NR2F1-AS1: variants seen among roughly 807,000 people sequenced by gnomAD.
NR2F1-AS1 encodes the protein NR2F1 regulatory antisense RNA 1, also known as NR2F1 antisense RNA 1.
chr5:93,490,570 A>AGTGGTG (rs1304765806), intron 4 of NR2F1-AS1, among the ~76,000 whole-genome samples: 1 of 101,232 alleles, frequency 9.9e-6, no homozygotes, highest in East Asian at 3.1e-4. Context: ...TGGTGATGGG[A>AGTGGTG]GTGGTGGTGG....
intron 4 of NR2F1-AS1, among the ~76,000 whole-genome samples, chr5:93,524,048 CA>C (rs751767836): frequency 6.6e-6 from 1 of 151,948 alleles, no homozygotes; most frequent in East Asian, 1.9e-4. Flanking sequence ...TGGGTAATAA[CA>C]AACTCCCCCG....
intron 4 of NR2F1-AS1, among the ~76,000 whole-genome samples, chr5:93,438,340 T>C (rs1432743936): frequency 6.6e-6 from 1 of 152,196 alleles, no homozygotes; most frequent in Non-Finnish European, 1.5e-5. Flanking sequence ...TCCCTTTTAC[T>C]TTCTCAATCT....
upstream of NR2F1-AS1, chr5:93,584,069 C>G (rs1422218427): frequency 2.6e-5 from 4 of 151,802 alleles, no homozygotes; most frequent in Non-Finnish European, 5.9e-5. Flanking sequence ...CACCCGCGCG[C>G]CCTGATCGCC....
At chr5:93,470,293 G>A (rs1580254297) in intron 4 of NR2F1-AS1, among the ~76,000 whole-genome samples, 2 of 151,984 alleles carry the variant, frequency 1.3e-5, no homozygotes, top group Middle Eastern at 6.8e-3. Flanking sequence ...TATGTCTTTT[G>A]TGTTAGTTTG....
At chr5:93,584,505 A>C (rs1210044011), upstream of NR2F1-AS1, 1 of 146,978 alleles carries the variant, frequency 6.8e-6, no homozygotes, top group Non-Finnish European at 1.5e-5. Flanking sequence ...GCCGTGGCCC[A>C]TGCCCGCCGC....
At chr5:93,413,244 A>G (rs1748900256) in intron 4 of NR2F1-AS1, among the ~76,000 whole-genome samples, 1 of 150,998 alleles carries the variant, frequency 6.6e-6, no homozygotes, top group Non-Finnish European at 1.5e-5. Context: ...ATATATATAT[A>G]TGCTGATCTC....
intron 4 of NR2F1-AS1, among the ~76,000 whole-genome samples, chr5:93,516,173 C>T (rs1457954467): frequency 4.6e-5 from 7 of 151,796 alleles, no homozygotes; most frequent in Non-Finnish European, 8.9e-5. Flanking sequence ...ATATATACTC[C>T]ACACAAACAC....
At chr5:93,570,093 T>C (rs1248460767) in intron 1 of NR2F1-AS1, 1 of 152,196 alleles carries the variant, frequency 6.6e-6, no homozygotes, top group Non-Finnish European at 1.5e-5. Flanking sequence ...AGAAAAACTC[T>C]TAAGATAACA....
intron 4 of NR2F1-AS1, chr5:93,542,175 C>T (rs1751965523): frequency 6.7e-6 from 1 of 148,910 alleles, no homozygotes; most frequent in Admixed American, 6.8e-5. Flanking sequence ...TCATGAAGAA[C>T]AAAAACTGGC....
intron 4 of NR2F1-AS1, among the ~76,000 whole-genome samples, chr5:93,502,384 C>A (rs1409293422): frequency 6.6e-6 from 1 of 151,964 alleles, no homozygotes; most frequent in African/African-American, 2.4e-5. Flanking sequence ...TTAGAAATAC[C>A]CAGGGTTCAA....
At chr5:93,513,052 CAT>C (rs1328212803) in intron 4 of NR2F1-AS1, among the ~76,000 whole-genome samples, 2 of 152,106 alleles carry the variant, frequency 1.3e-5, no homozygotes, top group East Asian at 1.9e-4. Context: ...AGCCAACAAA[CAT>C]ATGAAAAATT....
At chr5:93,523,285 G>C (rs1751542156) in intron 4 of NR2F1-AS1, among the ~76,000 whole-genome samples, 1 of 152,164 alleles carries the variant, frequency 6.6e-6, no homozygotes, top group South Asian at 2.1e-4. Context: ...ACTGCAGCCA[G>C]ACTGCCCTTC....
At chr5:93,585,416 C>T, upstream of NR2F1-AS1, 5 of 1,614,132 alleles carry the variant, frequency 3.1e-6, no homozygotes, top group Non-Finnish European at 4.2e-6. Flanking sequence ...GTCCCATCGA[C>T]CAGCACCACC....
chr5:93,505,807 T>C (rs1751174048), intron 4 of NR2F1-AS1, among the ~76,000 whole-genome samples: 1 of 152,128 alleles, frequency 6.6e-6, no homozygotes, highest in Non-Finnish European at 1.5e-5. Flanking sequence ...TCCAGGCTTG[T>C]GATGGGAGGG....
intron 4 of NR2F1-AS1, among the ~76,000 whole-genome samples, chr5:93,496,454 G>A (rs898720314): frequency 3.3e-5 from 5 of 152,112 alleles, no homozygotes; most frequent in Admixed American, 1.3e-4. Context: ...TGTCAGAATT[G>A]CTTCTATTCA....
intron 4 of NR2F1-AS1, among the ~76,000 whole-genome samples, chr5:93,545,196 G>A (rs956164539): frequency 5.3e-5 from 8 of 152,096 alleles, no homozygotes; most frequent in South Asian, 2.1e-4. Context: ...TAATGTCCAC[G>A]GCTTAGTACA....
At chr5:93,488,626 A>G (rs1380849970) in intron 4 of NR2F1-AS1, among the ~76,000 whole-genome samples, 2 of 152,248 alleles carry the variant, frequency 1.3e-5, no homozygotes, top group Non-Finnish European at 2.9e-5. Context: ...GTGGAGAAAT[A>G]GGAAAGCTTT....
At chr5:93,556,123 C>A (rs562856242) in intron 2 of NR2F1-AS1, among the ~76,000 whole-genome samples, 2 of 152,116 alleles carry the variant, frequency 1.3e-5, no homozygotes, top group Non-Finnish European at 2.9e-5. Context: ...GTTCTTTCTG[C>A]TTCTGTAGCA....
Position 93,486,269 on chromosome 5 carries a change from T to C in NR2F1-AS1, n.638+67492A>G, listed in dbSNP as rs761423628. Among the ~76,000 whole-genome samples the C allele has an allele frequency of 5.7e-4, 86 of 151,334 alleles. 1 individual carries two copies. Among genetic ancestry groups the C allele is most frequent in the Non-Finnish European group, 1.0e-3 (68 of 67,938 alleles). On this transcript the variant is annotated intron_variant and non_coding_transcript_variant, in intron 4 of 5. Coordinates refer to ENST00000660523, the Ensembl canonical transcript of NR2F1-AS1. Reference sequence around the variant, plus strand: ...CCTAAAACTTAAAGTATAATAATAATAAATTAATTAATTTTTTTAAAAAAG... The same window carrying C: ...CCTAAAACTTAAAGTATAATAATAACAAATTAATTAATTTTTTTAAAAAAG...
Sources: allele counts gnomAD v4.1 joint callset (sites outside exome capture counted in the v4.1 genomes callset), GRCh38; gene constraint gnomAD v4.1.1; transcripts MANE v1.5; gene names NCBI Gene and HGNC (gene_info 2026-07-23, HGNC 2026-07-21).